Variants in DOCK10 observed in about 807,000 individuals in gnomAD.
DOCK10 encodes the protein dedicator of cytokinesis protein 10.
DOCK10 carries 145 observed loss-of-function variants against 280.1 expected under a neutral mutation model. That is an observed-to-expected ratio of 0.52 (90% CI 0.45 to 0.59). The LOEUF (loss-of-function observed/expected upper bound fraction) is 0.59. DOCK10 is among the 20% of genes least tolerant of loss of function. The pLI, the probability that DOCK10 is intolerant of heterozygous loss-of-function variation, is 0.00. For synonymous variants in DOCK10, 915 were observed against 942.2 expected (o/e 0.97, Z 0.53); for missense variants, 2,368 against 2,651.7 (o/e 0.89, Z 2.35).
chr2:224,961,789 G>A (rs1559875292), intron 1 of DOCK10, among the ~76,000 whole-genome samples: 1 of 152,058 alleles, frequency 6.6e-6, no homozygotes, highest in Non-Finnish European at 1.5e-5. Flanking sequence ...ACAAGTGTGA[G>A]CCACCACGCC....
rs58223345 is a variant in DOCK10, at chr2:224,917,101, C to CTTTTTTTTTTTTTTTTTT, written c.244-335_244-318dup. 1.4e-4 allele frequency among the ~76,000 whole-genome samples: 13 copies of CTTTTTTTTTTTTTTTTTT among 95,780 alleles called. 1 individual carries two copies. Among genetic ancestry groups the CTTTTTTTTTTTTTTTTTT allele is most frequent in the Non-Finnish European group, 2.3e-4 (12 of 52,256 alleles). The allele number at this position is 95,780 out of a possible 152,430, so 62.8% of individuals were successfully genotyped here. ...CAATTTAGCTGATTTCTATTGGAAT[C>CTTTTTTTTTTTTTTTTTT]TTTTTTTTTTTTTTTTTTTTTTGAG... On this transcript the variant is annotated intron_variant, in intron 2 of 55. Transcript: ENST00000258390.
chr2:224,806,825 G>T (rs1574853532), intron 33 of DOCK10, among the ~76,000 whole-genome samples: 1 of 152,054 alleles, frequency 6.6e-6, no homozygotes, highest in East Asian at 1.9e-4. Flanking sequence ...GCCCAGGTTG[G>T]TCTTGAACTC....
chr2:224,827,215 A>G (rs1694925626), intron 27 of DOCK10, among the ~76,000 whole-genome samples: 1 of 151,220 alleles, frequency 6.6e-6, no homozygotes, highest in African/African-American at 2.4e-5. Flanking sequence ...GTGAGCCGAG[A>G]TCGTGCCACT....
At chr2:225,031,791 TACCCTTCTCTTCAGGATAAG>T (rs2106125834) in intron 1 of DOCK10, among the ~76,000 whole-genome samples, 1 of 152,300 alleles carries the variant, frequency 6.6e-6, no homozygotes, top group East Asian at 1.9e-4. Flanking sequence ...AGATGGGGCT[TACCCTTCTCTTCAGGATAAG>T]AAAGAAGGAA....
chr2:224,778,002 C>T (rs1051654003), intron 51 of DOCK10, 136 bp downstream of exon 51: 1 of 866,230 alleles, frequency 1.2e-6, no homozygotes, highest in Admixed American at 2.9e-5. Flanking sequence ...AACCAACAGG[C>T]AAACAAGCAA....
At chr2:225,029,543 G>A (rs1372955018) in intron 1 of DOCK10, among the ~76,000 whole-genome samples, 8 of 152,164 alleles carry the variant, frequency 5.3e-5, no homozygotes, top group Non-Finnish European at 7.3e-5. Flanking sequence ...AAGAAATGTA[G>A]CACAGTTTTT....
chr2:224,857,359 ATT>A (rs1440750562), intron 14 of DOCK10, among the ~76,000 whole-genome samples: 1 of 152,160 alleles, frequency 6.6e-6, no homozygotes, highest in African/African-American at 2.4e-5. Context: ...AGTCACTTCA[ATT>A]TGGGTGGCAC....
chr2:224,836,689 T>G (rs1285935017), intron 25 of DOCK10, among the ~76,000 whole-genome samples: 1 of 151,620 alleles, frequency 6.6e-6, no homozygotes. Context: ...AAGCTCTGCC[T>G]CCCGGGTTCA....
At chr2:224,893,534 C>A in intron 4 of DOCK10, 1 of 281,482 alleles carries the variant, frequency 3.6e-6, no homozygotes, top group Non-Finnish European at 7.4e-6. Context: ...TTTTATGCTG[C>A]TTTTTTCTTC....
intron 22 of DOCK10, among the ~76,000 whole-genome samples, chr2:224,844,216 T>C (rs1446992808): frequency 6.6e-6 from 1 of 152,100 alleles, no homozygotes; most frequent in Non-Finnish European, 1.5e-5. Context: ...ACGCAACCTC[T>C]GCCTCCCGAG....
chr2:224,770,561 A>G lies in DOCK10; in HGVS notation c.6289T>C (p.Leu2097=). 2 of 1,613,860 alleles carry G rather than the reference A, an allele frequency of 1.2e-6. No individual in the cohort carries two copies. The highest frequency in any genetic ancestry group is 1.7e-6 in the Non-Finnish European group (2 of 1,179,726). Residue 2097 remains leucine (L), a synonymous_variant, in exon 54 of 56, where the codon TTG becomes CTG. Coordinates refer to ENST00000258390, the MANE Select transcript of DOCK10 (RefSeq NM_014689.3). This position sits in a 1 kb window ranked among gnomAD's most constrained non-coding sequence, Gnocchi z 4.5. ...GAAGCTTACCTGAAGATCTCCTTCA[A>G]AAGCTTTACTTGGTTGTCAGGGTAC... ...KKYPDNQVKL[L]KEIFRQFADA...
chr2:224,896,217 T>C lies in DOCK10; in HGVS notation c.416+78A>G, dbSNP rs558174094. The stretch of plus-strand genomic sequence containing the variant: ...CAGAAGATTAATGTACGTGTATTCA[T>C]GAACAATGGCAGGACTAGAACAGAG... On this transcript the variant is annotated intron_variant, in intron 4 of 55. Coordinates refer to ENST00000258390, the MANE Select transcript of DOCK10 (RefSeq NM_014689.3). 7.0e-6 allele frequency: 6 copies of C among 856,944 alleles called. No individual in the cohort carries two copies. The Admixed American group carries it at 8.7e-5, about 12-fold the overall frequency. 53.1% of individuals were successfully genotyped at this position (856,944 alleles called of 1,614,324 possible).
chr2:225,042,291 G>A lies in DOCK10; in HGVS notation c.84C>T (p.Ser28=). The change falls in exon 1 of 56, where the codon TCC becomes TCT. Residue 28 remains serine, a synonymous_variant. Transcript: ENST00000258390. The surrounding 1 kb of genome is among the most constrained non-coding windows in gnomAD (Gnocchi z 5.1). ...QAAELRHSAA[S]AAAVAVSSRQ... is the part of the protein sequence containing the mutation. The stretch of plus-strand genomic sequence containing the variant: ...GGCTGCTGACTGCCACCGCGGCGGC[G>A]GACGCGGCGCTGTGCCGGAGCTCGG... The A allele has an allele frequency of 1.5e-6, 2 of 1,344,196 alleles. No individual in the cohort carries two copies. Among genetic ancestry groups the A allele is most frequent in the Non-Finnish European group, 1.9e-6 (2 of 1,045,324 alleles). The allele number at this position is 1,344,196 out of a possible 1,614,324, so 83.3% of individuals were successfully genotyped here.
chr2:224,923,363 T>C (rs1261848055), intron 2 of DOCK10, among the ~76,000 whole-genome samples: 2 of 152,210 alleles, frequency 1.3e-5, no homozygotes, highest in Non-Finnish European at 2.9e-5. Flanking sequence ...CACTTCTTTT[T>C]TGTGACTTAT....
At position 224,904,597 on chromosome 2, in the gene DOCK10, A is replaced by T. The variant is rs372766275; in HGVS notation, c.334-8220T>A. ...CATATGAGTCATTCATTTGCTGCCC[A>T]GTGTTTCAGGATCAGAAAACAGCAT... On this transcript the variant is annotated intron_variant, in intron 3 of 55. Coordinates refer to ENST00000258390, the MANE Select transcript of DOCK10 (RefSeq NM_014689.3). Among the ~76,000 whole-genome samples the T allele has an allele frequency of 1.1e-4, 17 of 152,292 alleles. No individual in the cohort carries two copies. In the South Asian group the frequency reaches 3.5e-3, roughly 32 times the overall value.
Position 224,841,814 on chromosome 2 carries a change from C to A in DOCK10, c.2651G>T (p.Arg884Leu), listed in dbSNP as rs565641242. The A allele has an allele frequency of 1.9e-6, 3 of 1,608,742 alleles. No individual in the cohort carries two copies. The highest frequency in any genetic ancestry group is 2.6e-6 in the Non-Finnish European group (3 of 1,175,316). The change falls in exon 23 of 56, where the codon CGC (arginine) becomes CTC (leucine). Residue 884 changes from arginine (R) to leucine (L), a missense_variant. Arg to Leu is a moderately radical substitution (Grantham distance 102). This residue lies in a region of DOCK10 where 1,209 missense variants were observed against 1,250.9 expected (regional missense o/e 0.97). Transcript: ENST00000258390. The stretch of plus-strand genomic sequence containing the variant: ...TGCATGTCATGTTACCTTACAAGAG[C>A]GGATGAAATTTGAGGTAGGTGACTG... The part of the protein sequence containing the change: ...MSQSPTSNFI[R>L]SCKNLLNVEK...
intron 1 of DOCK10, among the ~76,000 whole-genome samples, chr2:225,034,115 A>AT (rs1430117951): frequency 6.6e-6 from 1 of 152,186 alleles, no homozygotes; most frequent in Non-Finnish European, 1.5e-5. Flanking sequence ...CTCTTCCTAT[A>AT]ACTAGTACTC....
chr2:224,951,971 T>G (rs1254223149), intron 1 of DOCK10, among the ~76,000 whole-genome samples: 1 of 152,230 alleles, frequency 6.6e-6, no homozygotes, highest in African/African-American at 2.4e-5. Context: ...ACTCACACTT[T>G]GAATCTAACT....
chr2:225,030,484 C>A (rs1423808516), intron 1 of DOCK10, among the ~76,000 whole-genome samples: 1 of 151,990 alleles, frequency 6.6e-6, no homozygotes, highest in Non-Finnish European at 1.5e-5. Context: ...TTTTCTGCAC[C>A]CTGCTCGGGG....
Sources: allele counts gnomAD v4.1 joint callset (sites outside exome capture counted in the v4.1 genomes callset), GRCh38; gene constraint gnomAD v4.1.1; regional missense constraint gnomAD v4.1.1; non-coding constraint Gnocchi (gnomAD v3.1); transcripts MANE v1.5; gene names NCBI Gene and HGNC (gene_info 2026-07-23, HGNC 2026-07-21).